CEMIP: variants seen among roughly 807,000 people sequenced by gnomAD.
The protein encoded by CEMIP is cell migration-inducing and hyaluronan-binding protein.
In CEMIP, 105 loss-of-function variants were observed where a neutral mutation model predicts 156.9. The ratio of observed to expected loss-of-function variants is 0.67; its 90% CI spans 0.57 to 0.79. The LOEUF (loss-of-function observed/expected upper bound fraction) is 0.79. Ranked by LOEUF, CEMIP falls within the 30% of genes least tolerant of loss-of-function variation. The probability of loss-of-function intolerance (pLI) is 0.00; values close to 1 mark genes in which losing one functional copy is unlikely to be tolerated. For missense variants in CEMIP, 1,457 were observed against 1,769.4 expected, an observed-to-expected ratio of 0.82 and a Z score of 3.17; for synonymous variants, 676 against 668.4, an observed-to-expected ratio of 1.01 and a Z score of -0.17.
chr15:80,787,046 G>A (rs568678077), intron 1 of CEMIP, among the ~76,000 whole-genome samples: 1 of 152,330 alleles, frequency 6.6e-6, no homozygotes, highest in South Asian at 2.1e-4. Context: ...CTGCTGCAGA[G>A]GCGCAGGGTT....
chr15:80,933,124 G>T, intron 22 of CEMIP, 121 bp from the exon 23 acceptor site: 2 of 852,110 alleles, frequency 2.3e-6, no homozygotes, highest in South Asian at 1.5e-5. Flanking sequence ...GTGCCCGAGA[G>T]CATCTTTGTT....
At chr15:80,786,493 T>A (rs1331179871) in intron 1 of CEMIP, among the ~76,000 whole-genome samples, 2 of 151,916 alleles carry the variant, frequency 1.3e-5, no homozygotes, top group African/African-American at 4.8e-5. Context: ...CCCAAAGTGC[T>A]GGGATTACAG....
intron 10 of CEMIP, 33 bp from the exon 11 acceptor site, chr15:80,894,957 G>A (rs574032823): frequency 7.5e-6 from 12 of 1,610,450 alleles, no homozygotes; most frequent in Middle Eastern, 1.6e-4. Context: ...AAAAAAAAAC[G>A]ACTTTGCTCT....
At chr15:80,848,578 T>A (rs1269125762) in intron 1 of CEMIP, among the ~76,000 whole-genome samples, 1 of 152,194 alleles carries the variant, frequency 6.6e-6, no homozygotes, top group East Asian at 1.9e-4. Flanking sequence ...GTCCCATTTA[T>A]GGAGGATCTC....
rs1553646 is a variant in CEMIP at position 80,942,400 on chromosome 15, C to G, written c.3699+63C>G. On this transcript the variant is annotated intron_variant, in intron 27 of 29. Transcript: ENST00000394685. ...CATTGAGAGGTGATACTGTGTCCTG[C>G]GGCTGCTGGCACAAATTACTGCAAA... 1,359,606 of 1,382,260 alleles carry G rather than the reference C, an allele frequency of 0.98. 670,192 individuals carry two copies. Among genetic ancestry groups the G allele is most frequent in the African/African-American group, 1 (70,160 of 70,364 alleles). 85.6% of individuals were successfully genotyped at this position (1,382,260 alleles called of 1,614,324 possible). A position where few individuals can be genotyped will look rare whatever the true frequency, so the allele number is the denominator to read the frequency against.
chr15:80,810,137 A>G (rs950760175), intron 1 of CEMIP, among the ~76,000 whole-genome samples: 1 of 152,108 alleles, frequency 6.6e-6, no homozygotes, highest in African/African-American at 2.4e-5. Flanking sequence ...CTGCCACACA[A>G]TTGATACATT....
intron 12 of CEMIP, among the ~76,000 whole-genome samples, chr15:80,900,588 GTGTGTGTGTGTGT>G (rs1899447392): frequency 1.1e-4 from 6 of 56,956 alleles, no homozygotes; most frequent in South Asian, 1.8e-3. Flanking sequence ...AGGTAGGGGT[GTGTGTGTGTGTGT>G]GTGTGTGTGT....
Position 80,887,629 on chromosome 15 carries a change from C to T in CEMIP, c.798-65C>T, listed in dbSNP as rs375027955. 364 of 1,293,676 alleles carry T rather than the reference C, an allele frequency of 2.8e-4. 3 individuals carry two copies. In the Middle Eastern group the frequency reaches 3.8e-3, roughly 14 times the overall value. The allele number at this position is 1,293,676 out of a possible 1,614,324, so 80.1% of individuals were successfully genotyped here. On this transcript the variant is annotated intron_variant, in intron 7 of 29. Coordinates refer to ENST00000394685, the MANE Select transcript of CEMIP (RefSeq NM_001293298.2). ...CTGCTTCAACTCTGCCCCATCCCCC[C>T]ACACTCTGTGCAGGTACAGACTCGT...
intron 17 of CEMIP, among the ~76,000 whole-genome samples, chr15:80,923,170 C>A (rs1900537303): frequency 1.3e-5 from 2 of 151,986 alleles, no homozygotes; most frequent in Non-Finnish European, 2.9e-5. Flanking sequence ...GAAGCAGAGT[C>A]CCCAGGCAGT....
intron 1 of CEMIP, among the ~76,000 whole-genome samples, chr15:80,800,794 T>C (rs1467633843): frequency 3.9e-5 from 6 of 152,210 alleles, no homozygotes; most frequent in African/African-American, 7.2e-5. Flanking sequence ...GTACTCGATG[T>C]AGGGGCAAAA....
chr15:80,941,507 C>G (rs868832325), intron 25 of CEMIP, among the ~76,000 whole-genome samples: 1 of 152,168 alleles, frequency 6.6e-6, no homozygotes, highest in African/African-American at 2.4e-5. Context: ...CTTCACTTCT[C>G]TGAGCCACCA....
At position 80,920,224 on chromosome 15, in the gene CEMIP, G is replaced by A. The variant is rs1900421532; in HGVS notation, c.1928G>A (p.Arg643His). 3 of 1,614,198 alleles carry A rather than the reference G, an allele frequency of 1.9e-6. No homozygotes were observed. The highest frequency in any genetic ancestry group is 2.5e-6 in the Non-Finnish European group (3 of 1,180,042). ...TCTGGAACCCTCCTCCCCTCGGACCGTGACAGCAAGATGTGCAAGATGATC... is the reference window on the plus strand; with the variant it reads ...TCTGGAACCCTCCTCCCCTCGGACCATGACAGCAAGATGTGCAAGATGATC... ...VKSGTLLPSD[R>H]DSKMCKMITE... The change falls in exon 15 of 30, where the codon CGT (arginine) becomes CAT (histidine). Residue 643 changes from arginine to histidine, a missense_variant. This residue lies in a region of CEMIP where 798 missense variants were observed against 980.1 expected (regional missense o/e 0.81). Coordinates refer to ENST00000394685, the MANE Select transcript of CEMIP (RefSeq NM_001293298.2).
chr15:80,938,133 C>T (rs536645298), intron 25 of CEMIP, 154 bp downstream of exon 25: 4 of 648,868 alleles, frequency 6.2e-6, no homozygotes, highest in African/African-American at 5.4e-5. Context: ...CTGTCCCATA[C>T]ATTAACGACA....
At chr15:80,885,709 A>G (rs533380791) in intron 7 of CEMIP, among the ~76,000 whole-genome samples, 3 of 152,294 alleles carry the variant, frequency 2.0e-5, no homozygotes, top group African/African-American at 7.2e-5. Context: ...GTAAAATGGG[A>G]TATACGAGGA....
At chr15:80,923,969 G>A (rs970792190) in intron 17 of CEMIP, among the ~76,000 whole-genome samples, 1 of 152,178 alleles carries the variant, frequency 6.6e-6, no homozygotes, top group South Asian at 2.1e-4. Context: ...GTGCCCTCCA[G>A]TTATCTAAAA....
Position 80,855,083 on chromosome 15 carries a change from T to A in CEMIP, c.-175-18455T>A, listed in dbSNP as rs141645213. Among the ~76,000 whole-genome samples the A allele has an allele frequency of 5.3e-3, 811 of 152,250 alleles. 11 individuals carry two copies. Among genetic ancestry groups the A allele is most frequent in the African/African-American group, 0.015 (618 of 41,550 alleles). ...GTGCCTGTAGTCCTAGCCACTCAGG[T>A]GGCTGAGATGGAAGGATCGCTTGAG... On this transcript the variant is annotated intron_variant, in intron 1 of 29. Transcript: ENST00000394685.
chr15:80,895,426 C>T (rs1188453533), intron 11 of CEMIP, among the ~76,000 whole-genome samples: 3 of 152,042 alleles, frequency 2.0e-5, no homozygotes, highest in Non-Finnish European at 4.4e-5. Flanking sequence ...TATTTTAAAT[C>T]CAGTACCTAA....
At chr15:80,806,116 A>G (rs1247528619) in intron 1 of CEMIP, among the ~76,000 whole-genome samples, 2 of 152,242 alleles carry the variant, frequency 1.3e-5, no homozygotes, top group African/African-American at 2.4e-5. Flanking sequence ...GTGAGCAACC[A>G]GAATATCTTA....
chr15:80,924,662 C>G lies in CEMIP; in HGVS notation c.2244C>G (p.Ala748=), dbSNP rs1900591546. Residue 748 remains alanine, a synonymous_variant, in exon 18 of 30, where the codon GCC becomes GCG. Coordinates refer to ENST00000394685, the MANE Select transcript of CEMIP (RefSeq NM_001293298.2). ...IIDNGVKTTE[A]SAKDKRPFLS... ...ACAACGGAGTCAAAACCACCGAGGC[C>G]TCTGCCAAGGACAAGCGGCCGTTCC... 1 of 1,614,240 alleles carries G rather than the reference C, an allele frequency of 6.2e-7. No individual in the cohort carries two copies. The highest frequency in any genetic ancestry group is 2.2e-5 in the East Asian group (1 of 44,890).
Sources: allele counts gnomAD v4.1 joint callset (sites outside exome capture counted in the v4.1 genomes callset), GRCh38; gene constraint gnomAD v4.1.1; regional missense constraint gnomAD v4.1.1; transcripts MANE v1.5; gene names NCBI Gene and HGNC (gene_info 2026-07-23, HGNC 2026-07-21).